The following TTLL5 variants were observed in gnomAD, a reference collection of about 807,000 sequenced individuals.
TTLL5 encodes tubulin polyglutamylase TTLL5.
A neutral mutation model predicts 168.4 loss-of-function variants in TTLL5; 132 were observed. That is an observed-to-expected ratio of 0.78 (90% CI 0.68 to 0.91). The LOEUF (loss-of-function observed/expected upper bound fraction) is 0.91. Ranked by LOEUF, TTLL5 falls within the 40% of genes least tolerant of loss-of-function variation. The pLI, the probability that TTLL5 is intolerant of heterozygous loss-of-function variation, is 0.00. For missense variants in TTLL5, 1,545 were observed against 1,581.5 expected, an observed-to-expected ratio of 0.98 and a Z score of 0.39; for synonymous variants, 546 against 558.6, an observed-to-expected ratio of 0.98 and a Z score of 0.32.
intron 3 of TTLL5, among the ~76,000 whole-genome samples, chr14:75,674,670 T>C (rs76340595): frequency 0.016 from 2,398 of 152,320 alleles, 81 homozygotes; most frequent in African/African-American, 0.054. Flanking sequence ...TATTTTCAGC[T>C]TAAAGTAAAC....
chr14:75,794,828 G>C (rs145156010), intron 27 of TTLL5, among the ~76,000 whole-genome samples: 1 of 152,322 alleles, frequency 6.6e-6, no homozygotes, highest in African/African-American at 2.4e-5. Flanking sequence ...ACTGACTCCT[G>C]TGTGATCTTG....
rs879229697 is a variant in TTLL5 at position 75,707,200 on chromosome 14, A to T, written c.655+113A>T. The T allele has an allele frequency of 1.1e-5, 9 of 813,890 alleles. No individual in the cohort carries two copies. The Admixed American group carries it at 1.8e-4, about 16-fold the overall frequency. The allele number at this position is 813,890 out of a possible 1,614,324, so 50.4% of individuals were successfully genotyped here. ...ATTATACTGTTGTGAAATTCTTGAC[A>T]TGTGTGGCTCCAGAAAGGCAGCAGG... is the stretch of plus-strand genomic sequence containing the variant. On this transcript the variant is annotated intron_variant, in intron 8 of 31. Coordinates refer to ENST00000298832, the MANE Select transcript of TTLL5 (RefSeq NM_015072.5).
At chr14:75,942,819 AGT>A (rs1161917251) in intron 31 of TTLL5, among the ~76,000 whole-genome samples, 3 of 152,232 alleles carry the variant, frequency 2.0e-5, no homozygotes, top group Non-Finnish European at 4.4e-5. Context: ...ACTCCCTGAT[AGT>A]TGCCGAACTG....
chr14:75,695,819 TC>T, intron 6 of TTLL5, among the ~76,000 whole-genome samples: 1 of 12,618 alleles, frequency 7.9e-5, no homozygotes, highest in Non-Finnish European at 1.7e-4. Context: ...TCCCCTCCCC[TC>T]CCCGACTTCC....
At chr14:75,716,197 G>C (rs904303175) in intron 9 of TTLL5, among the ~76,000 whole-genome samples, 5 of 152,222 alleles carry the variant, frequency 3.3e-5, no homozygotes, top group African/African-American at 1.2e-4. Context: ...GGGCACTGGG[G>C]TGTGACATGG....
chr14:75,728,701 A>G (rs1888345240), intron 12 of TTLL5, among the ~76,000 whole-genome samples: 1 of 152,152 alleles, frequency 6.6e-6, no homozygotes, highest in African/African-American at 2.4e-5. Context: ...TCGTCATATT[A>G]ATTGTGGCCA....
intron 29 of TTLL5, among the ~76,000 whole-genome samples, chr14:75,880,651 T>G (rs2140016851): frequency 6.6e-6 from 1 of 152,296 alleles, no homozygotes; most frequent in Middle Eastern, 3.4e-3. Context: ...GTGTCCCTCT[T>G]TACTTCCAAT....
chr14:75,724,495 C>A (rs916270832), intron 12 of TTLL5, among the ~76,000 whole-genome samples: 1 of 152,104 alleles, frequency 6.6e-6, no homozygotes, highest in African/African-American at 2.4e-5. Context: ...CTACCCGAAA[C>A]TTTGTCATTT....
intron 27 of TTLL5, among the ~76,000 whole-genome samples, chr14:75,819,686 G>A (rs569267404): frequency 5.9e-5 from 9 of 152,266 alleles, no homozygotes; most frequent in African/African-American, 1.9e-4. Context: ...AGTTCGCCTC[G>A]TTTCTTTGAA....
intron 29 of TTLL5, among the ~76,000 whole-genome samples, chr14:75,873,317 G>C (rs11624533): frequency 6.6e-6 from 1 of 151,966 alleles, no homozygotes; most frequent in Non-Finnish European, 1.5e-5. Context: ...CTCGTGATCC[G>C]CCTGCCTTGG....
intron 9 of TTLL5, among the ~76,000 whole-genome samples, chr14:75,715,876 C>A (rs767541261): frequency 6.6e-6 from 1 of 151,786 alleles, no homozygotes; most frequent in Non-Finnish European, 1.5e-5. Flanking sequence ...TGTTGGTACC[C>A]GATTCCAGCT....
intron 28 of TTLL5, among the ~76,000 whole-genome samples, chr14:75,832,586 A>G (rs1027123508): frequency 2.6e-5 from 4 of 152,226 alleles, no homozygotes; most frequent in African/African-American, 2.4e-5. Flanking sequence ...CTGGATTGTC[A>G]TGGGAATTCG....
intron 28 of TTLL5, among the ~76,000 whole-genome samples, chr14:75,821,234 G>C (rs559624718): frequency 6.6e-6 from 1 of 152,154 alleles, no homozygotes; most frequent in African/African-American, 2.4e-5. Flanking sequence ...CTTTCATACC[G>C]GTGATCATTG....
rs1203164670 is a variant in TTLL5, at chr14:75,756,505, TG to T, written c.1550+3554del. On this transcript the variant is annotated intron_variant, in intron 18 of 31. Coordinates refer to ENST00000298832, the MANE Select transcript of TTLL5 (RefSeq NM_015072.5). ...GTACATAAATGAGTACAAGTAAAACTGGGGACTTTTTTTTTTTTTTGAGACA... is the reference window on the plus strand; with the variant it reads ...GTACATAAATGAGTACAAGTAAAACTGGGACTTTTTTTTTTTTTTGAGACA... Among the ~76,000 whole-genome samples, 261 of 88,570 alleles carry T rather than the reference TG, an allele frequency of 2.9e-3. 6 individuals carry two copies. The highest frequency in any genetic ancestry group is 0.01 in the African/African-American group (243 of 23,282). The allele number at this position is 88,570 out of a possible 152,430, so 58.1% of individuals were successfully genotyped here. A position where few individuals can be genotyped will look rare whatever the true frequency, so the allele number is the denominator to read the frequency against.
chr14:75,885,388 C>A (rs750441180), intron 30 of TTLL5, among the ~76,000 whole-genome samples: 4 of 143,678 alleles, frequency 2.8e-5, no homozygotes, highest in East Asian at 2.2e-4. Flanking sequence ...GCTACTTGGG[C>A]GGCTGAGGCA....
chr14:75,711,577 A>C (rs1594908663), intron 9 of TTLL5: 1 of 152,220 alleles, frequency 6.6e-6, no homozygotes, highest in South Asian at 2.1e-4. Context: ...AGACCCAAAG[A>C]TAGGCAGCTC....
intron 27 of TTLL5, among the ~76,000 whole-genome samples, chr14:75,811,160 T>A (rs28651461): frequency 0.012 from 1,256 of 105,084 alleles, 9 homozygotes; most frequent in Middle Eastern, 0.042. Context: ...AGAAAGAGTG[T>A]GTGTGTGTGT....
intron 30 of TTLL5, among the ~76,000 whole-genome samples, chr14:75,885,296 C>T (rs2032051869): frequency 6.6e-6 from 1 of 152,150 alleles, no homozygotes; most frequent in East Asian, 1.9e-4. Flanking sequence ...CGAGACCATC[C>T]TAACTAACAT....
At chr14:75,829,554 A>C (rs1895441456) in intron 28 of TTLL5, among the ~76,000 whole-genome samples, 1 of 150,722 alleles carries the variant, frequency 6.6e-6, no homozygotes, top group Admixed American at 6.6e-5. Context: ...TGTCCTATAC[A>C]TTTACTTTTT....
Sources: gnomAD v4.1 joint callset for allele counts (sites outside exome capture counted in the v4.1 genomes callset) on GRCh38, gnomAD v4.1.1 for gene constraint, MANE v1.5 for transcripts, NCBI Gene and HGNC (gene_info 2026-07-23, HGNC 2026-07-21) for gene names.